The following NUP155 variants were observed in gnomAD, a reference collection of about 807,000 sequenced individuals.
NUP155 encodes the protein nucleoporin 155, also known as nuclear pore complex protein Nup155.
NUP155 carries 71 observed loss-of-function variants against 180.4 expected under a neutral mutation model. The ratio of observed to expected loss-of-function variants is 0.39; its 90% CI spans 0.33 to 0.48. NUP155 has a LOEUF of 0.48. Ranked by LOEUF, NUP155 falls within the 20% of genes least tolerant of loss-of-function variation. The pLI is 0.91. For synonymous variants in NUP155, 582 were observed against 559.5 expected (o/e 1.04, Z -0.57); for missense variants, 1,553 against 1,648.9 (o/e 0.94, Z 1.01).
chr5:37,365,754 C>T (rs217849), intron 1 of NUP155, among the ~76,000 whole-genome samples: 7,309 of 23,862 alleles, frequency 0.31, 1,140 homozygotes, highest in Non-Finnish European at 0.37. Flanking sequence ...TATATATATA[C>T]ACACACACAC....
Position 37,370,960 on chromosome 5 carries a change from C to G in NUP155, c.18G>C (p.Leu6Phe). MPSSL[L>F]GAAMPASTSA... ...ATGTAGAGGCCGGCATCGCCGCGCC[C>G]AACAAAGAAGACGGCATCTCGGAAA... The change falls in exon 1 of 35, where the codon TTG becomes TTC. Residue 6 changes from leucine to phenylalanine, a missense_variant. Physicochemically the swap from Leu to Phe is conservative, Grantham distance 22. Coordinates refer to ENST00000231498, the MANE Select transcript of NUP155 (RefSeq NM_153485.3). 6.2e-7 allele frequency: 1 copy of G among 1,613,988 alleles called. No individual in the cohort carries two copies. The highest frequency in any genetic ancestry group is 8.5e-7 in the Non-Finnish European group (1 of 1,180,032).
rs769104989 is a variant in NUP155 at position 37,302,885 on chromosome 5, C to G, written c.3341G>C (p.Arg1114Pro). ...MHSTEISLQQ[R>P]LEYIARAILS... Reference sequence around the variant, plus strand: ...AATGGCTCGAGCAATGTACTCTAGTCGCTGCTGAAGTGAAATTTCTGTGCT... The same window carrying G: ...AATGGCTCGAGCAATGTACTCTAGTGGCTGCTGAAGTGAAATTTCTGTGCT... Residue 1114 changes from arginine (R) to proline (P), a missense_variant, in exon 29 of 35, where the codon CGA (arginine) becomes CCA (proline). Physicochemically the swap from Arg to Pro is moderately radical, Grantham distance 103. Coordinates refer to ENST00000231498, the MANE Select transcript of NUP155 (RefSeq NM_153485.3). The G allele has an allele frequency of 6.2e-7, 1 of 1,613,838 alleles. No individual in the cohort carries two copies. The highest frequency in any genetic ancestry group is 1.7e-5 in the Admixed American group (1 of 59,986).
At chr5:37,334,275 CTA>C (rs774494372) in intron 12 of NUP155, among the ~76,000 whole-genome samples, 29 of 152,086 alleles carry the variant, frequency 1.9e-4, no homozygotes, top group Non-Finnish European at 3.2e-4. Flanking sequence ...CCTAATTTTT[CTA>C]TGTTTTGTAT....
chr5:37,313,606 T>G (rs1192719783), intron 22 of NUP155, among the ~76,000 whole-genome samples: 1 of 151,788 alleles, frequency 6.6e-6, no homozygotes, highest in African/African-American at 2.4e-5. Flanking sequence ...GCTCAAGTGC[T>G]CCTCCCACTT....
Position 37,294,445 on chromosome 5 carries a change from C to G in NUP155, c.3814G>C (p.Glu1272Gln), listed in dbSNP as rs771713307. The G allele has an allele frequency of 2.5e-6, 4 of 1,613,594 alleles. No homozygotes were observed. The Middle Eastern group carries it at 5.0e-4, about 200-fold the overall frequency. ...CAGTTCAAAGTACAAACCTGCTGTT[C>G]TAAAAACTGTACAATAAAATCTGGG... ...FPLDFIVQFLEQQVCTLNWDV... is the reference protein window; with the variant it reads ...FPLDFIVQFLQQQVCTLNWDV... Residue 1272 changes from glutamate (E) to glutamine (Q), a missense_variant, in exon 33 of 35, where the codon GAA (glutamate) becomes CAA (glutamine). Glu to Gln is a conservative substitution (Grantham distance 29). Transcript: ENST00000231498.
chr5:37,351,217 A>G lies in NUP155; in HGVS notation c.696T>C (p.Asp232=). ...GGTAGGCTACTTCATATAAACAGCC[A>G]TCCTTTCCAGCCAAGAAAATTCTGC... The part of the protein sequence containing the change: ...DNGRIFLAGK[D]GCLYEVAYQA... Residue 232 remains aspartate, a synonymous_variant, in exon 6 of 35, where the codon GAT becomes GAC. Coordinates refer to ENST00000231498, the MANE Select transcript of NUP155 (RefSeq NM_153485.3). The G allele has an allele frequency of 6.2e-7, 1 of 1,613,972 alleles. No homozygotes were observed. Among genetic ancestry groups the G allele is most frequent in the Non-Finnish European group, 8.5e-7 (1 of 1,179,920 alleles).
chr5:37,367,063 T>C (rs1307825125), intron 1 of NUP155, among the ~76,000 whole-genome samples: 1 of 151,098 alleles, frequency 6.6e-6, no homozygotes, highest in Non-Finnish European at 1.5e-5. Flanking sequence ...TTTTTTTTCC[T>C]GAGACGGGGT....
At chr5:37,355,545 GTGTA>G (rs1364016505) in intron 4 of NUP155, among the ~76,000 whole-genome samples, 5 of 146,398 alleles carry the variant, frequency 3.4e-5, no homozygotes, top group African/African-American at 1.3e-4. Context: ...GTGTGTGTGT[GTGTA>G]TATATATATA....
At chr5:37,347,259 A>C (rs1292217672) in intron 9 of NUP155, among the ~76,000 whole-genome samples, 1 of 152,136 alleles carries the variant, frequency 6.6e-6, no homozygotes, top group Non-Finnish European at 1.5e-5. Context: ...CGAAAGAGTG[A>C]ATAGTTAAAA....
intron 12 of NUP155, among the ~76,000 whole-genome samples, chr5:37,337,267 T>C (rs1489255238): frequency 1.3e-5 from 2 of 151,886 alleles, no homozygotes; most frequent in Non-Finnish European, 2.9e-5. Flanking sequence ...GGGTGTCTCT[T>C]TGTTTATGTG....
chr5:37,366,970 G>A (rs539944048), intron 1 of NUP155, among the ~76,000 whole-genome samples: 4 of 151,902 alleles, frequency 2.6e-5, no homozygotes, highest in East Asian at 1.9e-4. Flanking sequence ...TCTTGACCTC[G>A]TAATCCGCCT....
At chr5:37,358,001 T>A in intron 4 of NUP155, 80 bp downstream of exon 4, 5 of 988,644 alleles carry the variant, frequency 5.1e-6, no homozygotes, top group Non-Finnish European at 6.5e-6. Context: ...TCGAAAAAAA[T>A]GTGTGTTGTT....
intron 19 of NUP155, 69 bp from the exon 20 acceptor site, chr5:37,324,176 T>C (rs1341512798): frequency 1.1e-5 from 10 of 936,700 alleles, no homozygotes; most frequent in African/African-American, 1.6e-5. Context: ...ATAAACAATT[T>C]TAATTTTGAA....
At chr5:37,295,174 G>C (rs1309586464) in intron 32 of NUP155, among the ~76,000 whole-genome samples, 2 of 152,086 alleles carry the variant, frequency 1.3e-5, no homozygotes, top group Admixed American at 6.6e-5. Context: ...AGCCTGCCGA[G>C]TGCCTGCGAT....
Position 37,348,563 on chromosome 5 carries a change from T to C in NUP155, c.937A>G (p.Ser313Gly), listed in dbSNP as rs1294897073. The change falls in exon 9 of 35, where the codon AGC (serine) becomes GGC (glycine). Residue 313 changes from serine (S) to glycine (G), a missense_variant. Coordinates refer to ENST00000231498, the MANE Select transcript of NUP155 (RefSeq NM_153485.3). ...TTCTGTGACACAGAGGCAACTCTGC[T>C]CATTCCTTGTCCATCTTGTCCCAAA... is the stretch of plus-strand genomic sequence containing the variant. ...YDLGQDGQGM[S>G]RVASVSQNAI... 1 of 1,612,192 alleles carries C rather than the reference T, an allele frequency of 6.2e-7. No individual in the cohort carries two copies. Among genetic ancestry groups the C allele is most frequent in the Non-Finnish European group, 8.5e-7 (1 of 1,178,318 alleles).
chr5:37,306,253 A>G (rs1743147667), intron 25 of NUP155, among the ~76,000 whole-genome samples: 1 of 151,846 alleles, frequency 6.6e-6, no homozygotes, highest in Admixed American at 6.6e-5. Context: ...AAAAAAAATT[A>G]GCCGAGTGTG....
intron 3 of NUP155, 31 bp downstream of exon 3, chr5:37,363,857 C>G: frequency 7.2e-7 from 1 of 1,397,668 alleles, no homozygotes; most frequent in South Asian, 1.2e-5. Context: ...ATTCCAATCA[C>G]CCTTAAAGCA....
rs1303278690 is a variant in NUP155, at chr5:37,288,779, T to TGGGGGGGGA, written c.*3120_*3121insTCCCCCCCC. The TGGGGGGGGA allele has an allele frequency of 6.6e-5, 3 of 45,686 alleles. 1 individual carries two copies. The highest frequency in any genetic ancestry group is 4.8e-5 in the Non-Finnish European group (1 of 20,924). 2.8% of individuals were successfully genotyped at this position (45,686 alleles called of 1,614,324 possible). A position where few individuals can be genotyped will look rare whatever the true frequency, so the allele number is the denominator to read the frequency against. Reference sequence around the variant, plus strand: ...AAAAAAAAAAAAAAAGTAGGGGGGGTGGGGCTAGGCGCAGTGGCTCATGCC... The same window carrying TGGGGGGGGA: ...AAAAAAAAAAAAAAAGTAGGGGGGGTGGGGGGGGAGGGGCTAGGCGCAGTGGCTCATGCC... On this transcript the variant is annotated 3_prime_UTR_variant, in exon 35 of 35. Transcript: ENST00000231498.
intron 3 of NUP155, among the ~76,000 whole-genome samples, chr5:37,359,157 CTT>C (rs1236075284): frequency 3.4e-5 from 5 of 148,182 alleles, no homozygotes; most frequent in African/African-American, 1.2e-4. Flanking sequence ...ATATATATAA[CTT>C]TTTCATTTTA....
Sources: allele counts gnomAD v4.1 joint callset (sites outside exome capture counted in the v4.1 genomes callset), GRCh38; gene constraint gnomAD v4.1.1; transcripts MANE v1.5; gene names NCBI Gene and HGNC (gene_info 2026-07-23, HGNC 2026-07-21).